Variants in ULK4 observed in about 807,000 individuals in gnomAD.
ULK4 encodes the protein inactive serine/threonine-protein kinase ULK4.
Under a neutral mutation model 160.6 loss-of-function variants are expected in ULK4, and 133 were observed. The observed-to-expected ratio is 0.83, with a 90% CI of 0.72 to 0.96. ULK4 has a LOEUF of 0.96. ULK4 is among the 40% of genes least tolerant of loss of function. The pLI, the probability that ULK4 is intolerant of heterozygous loss-of-function variation, is 0.00. For missense variants in ULK4, 1,580 were observed against 1,499.5 expected (o/e 1.05, Z -0.89); for synonymous variants, 534 against 539.8 (o/e 0.99, Z 0.15).
At chr3:41,872,771 C>T (rs1314467373) in intron 17 of ULK4, among the ~76,000 whole-genome samples, 2 of 151,048 alleles carry the variant, frequency 1.3e-5, no homozygotes, top group East Asian at 1.9e-4. Context: ...ATTCACACCC[C>T]GATACATGAA....
intron 16 of ULK4, among the ~76,000 whole-genome samples, chr3:41,893,735 T>C (rs1698051861): frequency 6.6e-6 from 1 of 152,122 alleles, no homozygotes; most frequent in African/African-American, 2.4e-5. Flanking sequence ...TAAATGTTAA[T>C]AATAACATTT....
chr3:41,851,756 G>A (rs2042220088), intron 17 of ULK4, among the ~76,000 whole-genome samples: 1 of 151,964 alleles, frequency 6.6e-6, no homozygotes, highest in Non-Finnish European at 1.5e-5. Flanking sequence ...AGTGTGTAGA[G>A]GGAAATTTAT....
At chr3:41,280,874 GGTT>G (rs762692825) in intron 35 of ULK4, among the ~76,000 whole-genome samples, 29 of 152,032 alleles carry the variant, frequency 1.9e-4, no homozygotes, top group Non-Finnish European at 2.2e-4. Flanking sequence ...TCCAGGAGCT[GGTT>G]TTTTGAAAAG....
At chr3:41,903,992 A>C (rs1394880197) in intron 12 of ULK4, among the ~76,000 whole-genome samples, 2 of 12,938 alleles carry the variant, frequency 1.5e-4, no homozygotes, top group Non-Finnish European at 1.3e-3. Flanking sequence ...AAAGGCTCTT[A>C]AAAAAAAAAA....
At chr3:41,903,992 A>T (rs1394880197) in intron 12 of ULK4, among the ~76,000 whole-genome samples, 1 of 12,934 alleles carries the variant, frequency 7.7e-5, no homozygotes, top group African/African-American at 9.8e-5. Flanking sequence ...AAAGGCTCTT[A>T]AAAAAAAAAA....
At chr3:41,586,373 T>C (rs1288432476) in intron 31 of ULK4, among the ~76,000 whole-genome samples, 2 of 152,208 alleles carry the variant, frequency 1.3e-5, no homozygotes, top group African/African-American at 4.8e-5. Flanking sequence ...GACATTATGC[T>C]AAGTGAAATA....
chr3:41,623,706 T>A (rs2033359944), intron 30 of ULK4, among the ~76,000 whole-genome samples: 1 of 152,042 alleles, frequency 6.6e-6, no homozygotes, highest in Non-Finnish European at 1.5e-5. Context: ...TGGGAAGGTG[T>A]GGACAAGAAA....
intron 29 of ULK4, among the ~76,000 whole-genome samples, chr3:41,665,434 G>A (rs1170857693): frequency 6.6e-6 from 1 of 152,136 alleles, no homozygotes; most frequent in East Asian, 1.9e-4. Flanking sequence ...ACTCAAATGG[G>A]ACCTGAGAGC....
chr3:41,678,177 T>TACACACACACACACACACAC (rs752843326), intron 29 of ULK4, among the ~76,000 whole-genome samples: 2 of 123,056 alleles, frequency 1.6e-5, no homozygotes, highest in African/African-American at 3.1e-5. Flanking sequence ...CTTTATTTCA[T>TACACACACACACACACACAC]ACACACACAC....
chr3:41,783,238 A>C (rs1222287121), intron 21 of ULK4, among the ~76,000 whole-genome samples: 1 of 152,068 alleles, frequency 6.6e-6, no homozygotes, highest in Non-Finnish European at 1.5e-5. Flanking sequence ...TTTTTTATTT[A>C]AATAGAGACG....
chr3:41,758,473 A>G lies in ULK4; in HGVS notation c.2194-3985T>C, dbSNP rs540392520. Among the ~76,000 whole-genome samples the G allele has an allele frequency of 2.0e-5, 3 of 152,346 alleles. No individual in the cohort carries two copies. The South Asian group carries it at 6.2e-4, about 32-fold the overall frequency. On this transcript the variant is annotated intron_variant, in intron 21 of 36. Transcript: ENST00000301831. ...GGTATAGACAGTATACCTTAGGAACACAGATGCAAAAACTCCTCAACAATA... is the reference window on the plus strand; with the variant it reads ...GGTATAGACAGTATACCTTAGGAACGCAGATGCAAAAACTCCTCAACAATA...
intron 17 of ULK4, among the ~76,000 whole-genome samples, chr3:41,841,113 G>A (rs965890928): frequency 2.8e-5 from 4 of 142,740 alleles, no homozygotes; most frequent in Non-Finnish European, 6.0e-5. Flanking sequence ...ACCCGTCTGG[G>A]AGGTGAGGAG....
intron 30 of ULK4, among the ~76,000 whole-genome samples, chr3:41,662,267 T>C (rs2035201765): frequency 6.6e-6 from 1 of 152,154 alleles, no homozygotes; most frequent in Admixed American, 6.5e-5. Flanking sequence ...TTGGCAAAGA[T>C]AAAAAGGGTA....
chr3:41,822,791 G>A (rs2041190238), intron 18 of ULK4, among the ~76,000 whole-genome samples: 2 of 127,620 alleles, frequency 1.6e-5, no homozygotes, highest in Admixed American at 9.0e-5. Flanking sequence ...GCAACATCTT[G>A]GCTCACTGCA....
intron 34 of ULK4, among the ~76,000 whole-genome samples, chr3:41,406,535 A>G (rs7646411): frequency 0.21 from 32,449 of 152,158 alleles, 3,846 homozygotes; most frequent in African/African-American, 0.31. Flanking sequence ...ATAGCGTTGA[A>G]TCTGTAAATT....
intron 12 of ULK4, among the ~76,000 whole-genome samples, chr3:41,901,478 C>CTTTTTTTTTTTTTTTTTT (rs1305478036): frequency 8.7e-5 from 2 of 22,946 alleles, no homozygotes; most frequent in Non-Finnish European, 6.2e-4. Context: ...CCACGCCCAG[C>CTTTTTTTTTTTTTTTTTT]CTTTTTTTTT....
At chr3:41,431,451 G>A (rs1293964029) in intron 34 of ULK4, among the ~76,000 whole-genome samples, 1 of 150,408 alleles carries the variant, frequency 6.6e-6, no homozygotes, top group Admixed American at 6.6e-5. Flanking sequence ...CCTAGGTAGG[G>A]GGTGTTTAAC....
intron 21 of ULK4, among the ~76,000 whole-genome samples, chr3:41,763,043 C>T (rs1352082331): frequency 1.3e-5 from 2 of 152,066 alleles, no homozygotes; most frequent in Non-Finnish European, 2.9e-5. Flanking sequence ...AAGCCGCCCC[C>T]ATGATCCAAT....
intron 35 of ULK4, among the ~76,000 whole-genome samples, chr3:41,378,229 T>TGGGGGGA (rs1298265207): frequency 3.5e-5 from 1 of 28,780 alleles, no homozygotes; most frequent in Admixed American, 5.1e-4. Flanking sequence ...TGTCGTGGGG[T>TGGGGGGA]GGGGGGAGGG....
Sources: allele counts gnomAD v4.1 joint callset (sites outside exome capture counted in the v4.1 genomes callset), GRCh38; gene constraint gnomAD v4.1.1; transcripts MANE v1.5; gene names NCBI Gene and HGNC (gene_info 2026-07-23, HGNC 2026-07-21).